Variants in KCNT2 observed in about 807,000 individuals in gnomAD.
The protein encoded by KCNT2 is potassium sodium-activated channel subfamily T member 2, also known as potassium channel subfamily T member 2.
KCNT2 carries 67 observed loss-of-function variants against 153.8 expected under a neutral mutation model. That is an observed-to-expected ratio of 0.44 (90% CI 0.36 to 0.53). The LOEUF (loss-of-function observed/expected upper bound fraction) is 0.53. KCNT2 is among the 20% of genes least tolerant of loss of function. The probability of loss-of-function intolerance (pLI) is 0.00; values close to 1 mark genes in which losing one functional copy is unlikely to be tolerated. For synonymous variants in KCNT2, 500 were observed against 458.8 expected (o/e 1.09, Z -1.15); for missense variants, 975 against 1,354.8 (o/e 0.72, Z 4.40).
At chr1:196,433,870 A>G (rs898662142) in intron 8 of KCNT2, among the ~76,000 whole-genome samples, 2 of 152,094 alleles carry the variant, frequency 1.3e-5, no homozygotes, top group Non-Finnish European at 2.9e-5. Context: ...CTGGGTAGGT[A>G]CACAGGTAGA....
chr1:196,395,016 A>T (rs2148426219), intron 13 of KCNT2, among the ~76,000 whole-genome samples: 1 of 151,264 alleles, frequency 6.6e-6, no homozygotes, highest in East Asian at 2.0e-4. Context: ...ATTATGAATG[A>T]ATGTTGAAGT....
Position 196,331,282 on chromosome 1 carries a change from T to G in KCNT2, c.1998-21A>C, listed in dbSNP as rs148371470. 6.4e-6 allele frequency: 8 copies of G among 1,257,072 alleles called. No individual in the cohort carries two copies. In the African/African-American group the frequency reaches 8.8e-5, roughly 14 times the overall value. The allele number at this position is 1,257,072 out of a possible 1,614,324, so 77.9% of individuals were successfully genotyped here. On this transcript the variant is annotated intron_variant, in intron 17 of 27. Coordinates refer to ENST00000294725, the MANE Select transcript of KCNT2 (RefSeq NM_198503.5). ...CATACCTGTAAAATAATACAAAATA[T>G]TACCCTTGGATAAGGCATGCAAATT... is the stretch of plus-strand genomic sequence containing the variant.
At chr1:196,451,359 G>A (rs1676168415) in intron 8 of KCNT2, among the ~76,000 whole-genome samples, 1 of 140,402 alleles carries the variant, frequency 7.1e-6, no homozygotes. Flanking sequence ...TTATGCCCCA[G>A]CCTCCCGAGT....
intron 14 of KCNT2, among the ~76,000 whole-genome samples, chr1:196,343,954 A>G (rs187279070): frequency 3.3e-5 from 5 of 152,028 alleles, no homozygotes; most frequent in African/African-American, 1.2e-4. Context: ...TAATTTTTGT[A>G]TTTTTAGTAG....
intron 1 of KCNT2, among the ~76,000 whole-genome samples, chr1:196,517,131 A>AC (rs1190646248): frequency 1.3e-5 from 2 of 151,908 alleles, no homozygotes; most frequent in East Asian, 1.9e-4. Flanking sequence ...GCTGGTCCAG[A>AC]CCCCCAGAAC....
At chr1:196,528,992 AC>A (rs1331135697) in intron 1 of KCNT2, among the ~76,000 whole-genome samples, 1 of 150,218 alleles carries the variant, frequency 6.7e-6, no homozygotes, top group Admixed American at 6.6e-5. Context: ...TGACTGAATA[AC>A]TTTTTAGAAA....
chr1:196,458,230 G>A (rs556439430), intron 8 of KCNT2, among the ~76,000 whole-genome samples: 51 of 151,524 alleles, frequency 3.4e-4, no homozygotes, highest in African/African-American at 4.8e-4. Context: ...ATTATATTAC[G>A]TAAGAATATA....
intron 18 of KCNT2, among the ~76,000 whole-genome samples, chr1:196,330,400 C>A (rs1664340825): frequency 6.6e-6 from 1 of 151,586 alleles, no homozygotes; most frequent in Admixed American, 6.6e-5. Flanking sequence ...AGTTAGTTGC[C>A]CAAATTACAT....
intron 1 of KCNT2, among the ~76,000 whole-genome samples, chr1:196,555,474 A>G (rs888166865): frequency 3.3e-5 from 5 of 151,308 alleles, no homozygotes; most frequent in African/African-American, 1.2e-4. Flanking sequence ...AATAAAAACT[A>G]TAAAATACTA....
chr1:196,443,958 T>C (rs574049760), intron 8 of KCNT2, among the ~76,000 whole-genome samples: 1 of 151,192 alleles, frequency 6.6e-6, no homozygotes, highest in Non-Finnish European at 1.5e-5. Flanking sequence ...ACAGATAATA[T>C]AACTAAAATG....
chr1:196,338,419 G>A (rs151287846), intron 16 of KCNT2, among the ~76,000 whole-genome samples: 2 of 152,068 alleles, frequency 1.3e-5, no homozygotes, highest in East Asian at 1.9e-4. Flanking sequence ...TTCTAAACTA[G>A]GATACTGCAG....
intron 8 of KCNT2, among the ~76,000 whole-genome samples, chr1:196,435,133 G>GTATATA (rs1428028008): frequency 1.4e-4 from 12 of 87,880 alleles, no homozygotes; most frequent in African/African-American, 4.5e-4. Context: ...ATGTGTGTGT[G>GTATATA]TGTATGTATA....
chr1:196,547,379 G>T (rs902219401), intron 1 of KCNT2, among the ~76,000 whole-genome samples: 2 of 151,828 alleles, frequency 1.3e-5, no homozygotes, highest in African/African-American at 2.4e-5. Flanking sequence ...GAGGTGTGAG[G>T]CAGTGTGGAC....
chr1:196,434,647 T>G (rs779408836), intron 8 of KCNT2, among the ~76,000 whole-genome samples: 1 of 151,960 alleles, frequency 6.6e-6, no homozygotes, highest in Non-Finnish European at 1.5e-5. Context: ...CAAACCCTTC[T>G]TTTGCAATAT....
chr1:196,394,336 G>T (rs986350407), intron 13 of KCNT2, among the ~76,000 whole-genome samples: 1 of 151,548 alleles, frequency 6.6e-6, no homozygotes, highest in African/African-American at 2.4e-5. Flanking sequence ...ATAGCCTAAA[G>T]TGAGAGATGA....
At chr1:196,452,091 A>G (rs1404565843) in intron 8 of KCNT2, among the ~76,000 whole-genome samples, 1 of 151,972 alleles carries the variant, frequency 6.6e-6, no homozygotes, top group East Asian at 1.9e-4. Context: ...AGATCCCTCT[A>G]TAACTTCCCT....
chr1:196,281,867 A>C (rs1319251372), intron 24 of KCNT2, among the ~76,000 whole-genome samples: 2 of 150,900 alleles, frequency 1.3e-5, no homozygotes, highest in East Asian at 3.9e-4. Context: ...CGCCATTCTC[A>C]GCCTCCCGAG....
intron 12 of KCNT2, 90 bp downstream of exon 12, chr1:196,422,956 ATACT>A: frequency 1.4e-6 from 1 of 694,988 alleles, no homozygotes; most frequent in South Asian, 2.2e-5. Flanking sequence ...AAGGTCACCA[ATACT>A]TAATGCTGGC....
chr1:196,338,849 T>G (rs974957571), intron 16 of KCNT2, among the ~76,000 whole-genome samples: 1 of 144,374 alleles, frequency 6.9e-6, no homozygotes, highest in Non-Finnish European at 1.5e-5. Flanking sequence ...CCAGATTTAA[T>G]AGAATTTGGT....
Sources: gnomAD v4.1 joint callset for allele counts (sites outside exome capture counted in the v4.1 genomes callset) on GRCh38, gnomAD v4.1.1 for gene constraint, MANE v1.5 for transcripts, NCBI Gene and HGNC (gene_info 2026-07-23, HGNC 2026-07-21) for gene names.